Variants in RRAS2 observed in about 807,000 individuals in gnomAD.
RRAS2 encodes ras-related protein R-Ras2.
RRAS2 carries 7 observed loss-of-function variants against 27.6 expected under a neutral mutation model. The observed-to-expected ratio is 0.25, with a 90% CI of 0.14 to 0.48. The LOEUF is 0.48. Among genes scored for constraint, RRAS2 ranks in the 20% least tolerant of loss-of-function variants. The pLI, the probability that RRAS2 is intolerant of heterozygous loss-of-function variation, is 0.99. For synonymous variants in RRAS2, 86 were observed against 90.9 expected, an observed-to-expected ratio of 0.95 and a Z score of 0.31; for missense variants, 178 against 256.2, an observed-to-expected ratio of 0.69 and a Z score of 2.08.
At chr11:14,328,011 G>T (rs1554951272) in intron 1 of RRAS2, among the ~76,000 whole-genome samples, 2 of 152,166 alleles carry the variant, frequency 1.3e-5, no homozygotes, top group African/African-American at 4.8e-5. Context: ...GTCTTGACAG[G>T]ATTTTCTAAA....
At chr11:14,325,782 A>C (rs999874018) in intron 1 of RRAS2, among the ~76,000 whole-genome samples, 1 of 152,208 alleles carries the variant, frequency 6.6e-6, no homozygotes, top group Non-Finnish European at 1.5e-5. Flanking sequence ...AAAAAAATTT[A>C]ACACACATTT....
intron 1 of RRAS2, among the ~76,000 whole-genome samples, chr11:14,353,546 G>A (rs1039769512): frequency 6.6e-5 from 10 of 151,122 alleles, no homozygotes; most frequent in African/African-American, 2.2e-4. Context: ...CCAAGATCAC[G>A]CCATTGCACC....
chr11:14,281,491 G>C (rs893552111), intron 5 of RRAS2, 111 bp downstream of exon 5: 7 of 724,936 alleles, frequency 9.7e-6, no homozygotes, highest in Non-Finnish European at 1.3e-5. Flanking sequence ...AAATTGTAAT[G>C]CACCATGTGC....
intron 1 of RRAS2, chr11:14,308,287 T>C (rs1397039996): frequency 1.1e-5 from 5 of 452,468 alleles, no homozygotes; most frequent in African/African-American, 2.0e-5. Flanking sequence ...AATACATGAA[T>C]GAAAGAAGGA....
intron 4 of RRAS2, among the ~76,000 whole-genome samples, chr11:14,290,969 G>A (rs565510216): frequency 6.6e-6 from 1 of 152,204 alleles, no homozygotes; most frequent in Non-Finnish European, 1.5e-5. Context: ...ATCTGAAATA[G>A]AACAATTGCT....
At chr11:14,287,450 G>A (rs782323531) in intron 4 of RRAS2, among the ~76,000 whole-genome samples, 46 of 152,042 alleles carry the variant, frequency 3.0e-4, no homozygotes, top group African/African-American at 8.2e-4. Context: ...GGAAATACAC[G>A]TACTTATTAG....
rs1436189703 is a variant in RRAS2 at position 14,320,008 on chromosome 11, T to C, written c.109-24153A>G. On this transcript the variant is annotated intron_variant, in intron 1 of 5. Coordinates refer to ENST00000256196, the MANE Select transcript of RRAS2 (RefSeq NM_012250.6). ...AAAAATGTTTAAAGAATGGGAATGA[T>C]AGCAGAAGAAAAATGTCACCATGAG... Among the ~76,000 whole-genome samples, 5 of 152,238 alleles carry C rather than the reference T, an allele frequency of 3.3e-5. No homozygotes were observed. In the East Asian group the frequency reaches 7.7e-4, roughly 23 times the overall value.
chr11:14,364,250 G>C (rs1849225794), intron 1 of RRAS2: 1 of 793,142 alleles, frequency 1.3e-6, no homozygotes, highest in Non-Finnish European at 2.1e-6. Context: ...GCCCATCCCA[G>C]AGACAGGATC....
In RRAS2 at chr11:14,327,040, A is replaced by G. The variant is rs1359443068; in HGVS notation, c.109-31185T>C. Among the ~76,000 whole-genome samples, 3 of 143,060 alleles carry G rather than the reference A, an allele frequency of 2.1e-5. 1 individual carries two copies. Among genetic ancestry groups the G allele is most frequent in the African/African-American group, 7.7e-5 (3 of 38,852 alleles). The allele number at this position is 143,060 out of a possible 152,430, so 93.9% of individuals were successfully genotyped here. A position where few individuals can be genotyped will look rare whatever the true frequency, so the allele number is the denominator to read the frequency against. ...CCCGCCACTGCACTCCAGCCTGGGC[A>G]ACAGAGCGAGACTCTGTCTCAAAAA... On this transcript the variant is annotated intron_variant, in intron 1 of 5. Transcript: ENST00000256196.
At chr11:14,361,992 G>T (rs142665067), upstream of RRAS2, among the ~76,000 whole-genome samples, 1 of 152,232 alleles carries the variant, frequency 6.6e-6, no homozygotes, top group Non-Finnish European at 1.5e-5. Context: ...AGACACAAAA[G>T]ACCACATATT....
At chr11:14,314,034 C>T (rs181047910) in intron 1 of RRAS2, among the ~76,000 whole-genome samples, 1 of 152,240 alleles carries the variant, frequency 6.6e-6, no homozygotes, top group East Asian at 1.9e-4. Context: ...TCTGGAAAAT[C>T]ATTAGAAAAA....
At chr11:14,338,291 C>T (rs925096926) in intron 1 of RRAS2, among the ~76,000 whole-genome samples, 7 of 152,050 alleles carry the variant, frequency 4.6e-5, no homozygotes, top group Admixed American at 6.6e-5. Flanking sequence ...TGCATAAGGA[C>T]GCAGATACTA....
intron 1 of RRAS2, 110 bp from the exon 2 acceptor site, chr11:14,295,965 G>A (rs1847536673): frequency 4.4e-6 from 4 of 915,880 alleles, no homozygotes; most frequent in South Asian, 1.6e-5. Context: ...TTGAGGCCAG[G>A]AGTTTGAGAC....
rs1359907023 is a variant in RRAS2 at position 14,295,853 on chromosome 11, G to A, written c.111C>T (p.Ser37=). 6.2e-7 allele frequency: 1 copy of A among 1,611,910 alleles called. No homozygotes were observed. Among genetic ancestry groups the A allele is most frequent in the African/African-American group, 1.3e-5 (1 of 74,812 alleles). The part of the protein sequence containing the change: ...KSALTIQFIQ[S]YFVTDYDPTI... ...TTGGATCATAATCCGTTACAAAATA[G>A]GACTGCAAGAAAAGAAAAAACTTTA... The change falls in exon 2 of 6, where the codon TCC becomes TCT. Residue 37 remains serine (S), a splice_region_variant and synonymous_variant. Coordinates refer to ENST00000256196, the MANE Select transcript of RRAS2 (RefSeq NM_012250.6).
At chr11:14,321,178 CAA>C (rs782758464) in intron 1 of RRAS2, among the ~76,000 whole-genome samples, 9 of 133,954 alleles carry the variant, frequency 6.7e-5, no homozygotes, top group Admixed American at 7.5e-5. Context: ...GACTCCATCT[CAA>C]AAAAAAAAAA....
At chr11:14,281,028 A>T (rs1554944237) in intron 5 of RRAS2, among the ~76,000 whole-genome samples, 1 of 152,170 alleles carries the variant, frequency 6.6e-6, no homozygotes, top group East Asian at 1.9e-4. Flanking sequence ...GTTGTGTGGG[A>T]CATTATACTT....
chr11:14,360,692 C>A (rs1199956187), upstream of RRAS2, among the ~76,000 whole-genome samples: 3 of 152,132 alleles, frequency 2.0e-5, no homozygotes, highest in Non-Finnish European at 4.4e-5. Context: ...AAGGCCAAGG[C>A]GGGCGGATCG....
chr11:14,280,465 A>C (rs1849493430), intron 5 of RRAS2, among the ~76,000 whole-genome samples: 1 of 152,076 alleles, frequency 6.6e-6, no homozygotes. Flanking sequence ...GCGGTGGCTC[A>C]CGCTGTAATC....
chr11:14,297,154 T>C (rs1005680237), intron 1 of RRAS2, among the ~76,000 whole-genome samples: 14 of 152,236 alleles, frequency 9.2e-5, no homozygotes, highest in Non-Finnish European at 2.9e-5. Flanking sequence ...AGTATCTCCT[T>C]TGATCTACTT....
Sources: allele counts gnomAD v4.1 joint callset (sites outside exome capture counted in the v4.1 genomes callset), GRCh38; gene constraint gnomAD v4.1.1; transcripts MANE v1.5; gene names NCBI Gene and HGNC (gene_info 2026-07-23, HGNC 2026-07-21).